The following LRRC37A3 variants were observed in gnomAD, a reference collection of about 807,000 sequenced individuals.
LRRC37A3 encodes leucine-rich repeat-containing protein 37A3.
A neutral mutation model predicts 106.2 loss-of-function variants in LRRC37A3; 25 were observed. The ratio of observed to expected loss-of-function variants is 0.24; its 90% confidence interval spans 0.17 to 0.33. The LOEUF (loss-of-function observed/expected upper bound fraction) is 0.33, where lower values mean the gene tolerates loss of function less well. LRRC37A3 is among the 10% of genes least tolerant of loss of function. The probability of loss-of-function intolerance (pLI) is 1.00; values close to 1 mark genes in which losing one functional copy is unlikely to be tolerated. For synonymous variants in LRRC37A3, 305 were observed against 635.8 expected (o/e 0.48, Z 7.83); for missense variants, 712 against 1,644.9 (o/e 0.43, Z 9.81).
chr17:64,869,621 C>T (rs57434927), intron 8 of LRRC37A3, among the ~76,000 whole-genome samples: 1 of 148,850 alleles, frequency 6.7e-6, no homozygotes, highest in South Asian at 2.1e-4. Context: ...CTGCAACCTC[C>T]GCCTTCCAGG....
intron 8 of LRRC37A3, among the ~76,000 whole-genome samples, chr17:64,873,932 T>A (rs1973410121): frequency 6.6e-6 from 1 of 152,070 alleles, no homozygotes; most frequent in Non-Finnish European, 1.5e-5. Flanking sequence ...AATCTGCATA[T>A]TCAAGAAGCT....
At chr17:64,866,629 T>TATATATATATATATATATATA (rs71236448) in intron 10 of LRRC37A3, among the ~76,000 whole-genome samples, 2 of 12,860 alleles carry the variant, frequency 1.6e-4, no homozygotes, top group African/African-American at 3.2e-4. Flanking sequence ...TATATATATA[T>TATATATATATATATATATATA]TTTTTTTTTT....
intron 1 of LRRC37A3, among the ~76,000 whole-genome samples, 180 bp from the exon 2 acceptor site, chr17:64,919,050 G>A (rs1974769645): frequency 6.6e-6 from 1 of 151,984 alleles, no homozygotes; most frequent in Non-Finnish European, 1.5e-5. Flanking sequence ...TCCGGCTACT[G>A]CTGCCCCCCC....
At chr17:64,861,544 C>T (rs368032743) in intron 11 of LRRC37A3, among the ~76,000 whole-genome samples, 12 of 152,336 alleles carry the variant, frequency 7.9e-5, no homozygotes, top group South Asian at 2.1e-4. Flanking sequence ...TCTGCTCCCA[C>T]GTGTGGTAGC....
In LRRC37A3 at chr17:64,868,469, C is replaced by G. The variant is rs1367048283; in HGVS notation, c.3046G>C (p.Glu1016Gln). 1.2e-6 allele frequency: 2 copies of G among 1,610,260 alleles called. No individual in the cohort carries two copies. The highest frequency in any genetic ancestry group is 1.7e-6 in the Non-Finnish European group (2 of 1,178,950). ...KNILMMTVEL[E>Q]KLIVPSHMAC... is the part of the protein sequence containing the mutation. ...CGGAAAAAAATAACTTACAGTTTTTCCAGTTCAACAGTCATCATGAGAATG... is the reference window on the plus strand; with the variant it reads ...CGGAAAAAAATAACTTACAGTTTTTGCAGTTCAACAGTCATCATGAGAATG... The change falls in exon 10 of 15, where the codon GAA becomes CAA. Residue 1016 changes from glutamate to glutamine, a missense_variant. Glu to Gln is a conservative substitution (Grantham distance 29). Coordinates refer to ENST00000584306, the MANE Select transcript of LRRC37A3 (RefSeq NM_199340.5).
intron 10 of LRRC37A3, among the ~76,000 whole-genome samples, chr17:64,866,171 A>G (rs573275667): frequency 2.6e-5 from 4 of 151,852 alleles, no homozygotes; most frequent in African/African-American, 7.3e-5. Context: ...AATAATGGTC[A>G]AGAAAAAAGC....
At chr17:64,866,622 ATATATATTT>A (rs1190635478) in intron 10 of LRRC37A3, among the ~76,000 whole-genome samples, 6 of 24,508 alleles carry the variant, frequency 2.4e-4, no homozygotes, top group African/African-American at 6.6e-4. Context: ...ATATATATAT[ATATATATTT>A]TTTTTTTTTT....
chr17:64,896,701 C>A lies in LRRC37A3; in HGVS notation c.557G>T (p.Ser186Ile). 1 of 1,600,600 alleles carries A rather than the reference C, an allele frequency of 6.2e-7. No homozygotes were observed. Among genetic ancestry groups the A allele is most frequent in the Admixed American group, 1.7e-5 (1 of 59,922 alleles). Residue 186 changes from serine to isoleucine, a missense_variant, in exon 4 of 15, where the codon AGT becomes ATT. Ser to Ile is a moderately radical substitution (Grantham distance 142). Coordinates refer to ENST00000584306, the MANE Select transcript of LRRC37A3 (RefSeq NM_199340.5). Reference sequence around the variant, plus strand: ...GCTACCGGGATACGGTGTATCTGTACTGGAATATTCATTCTGCAAAGTCTG... The same window carrying A: ...GCTACCGGGATACGGTGTATCTGTAATGGAATATTCATTCTGCAAAGTCTG... ...QKQTLQNEYS[S>I]TDTPYPGSLP...
intron 2 of LRRC37A3, among the ~76,000 whole-genome samples, chr17:64,908,945 T>C (rs1048389612): frequency 2.6e-5 from 4 of 151,334 alleles, no homozygotes; most frequent in African/African-American, 9.8e-5. Context: ...CTAATTTTTT[T>C]TGTATTTTTA....
At chr17:64,867,175 T>G (rs1973145167) in intron 10 of LRRC37A3, among the ~76,000 whole-genome samples, 1 of 150,768 alleles carries the variant, frequency 6.6e-6, no homozygotes, top group Non-Finnish European at 1.5e-5. Flanking sequence ...TAAAAACTTC[T>G]GCTCTTCAGA....
chr17:64,917,381 T>A (rs1326360461), intron 2 of LRRC37A3, among the ~76,000 whole-genome samples: 1 of 151,698 alleles, frequency 6.6e-6, no homozygotes, highest in South Asian at 2.1e-4. Context: ...TTTGGCAGTT[T>A]CTTATAAACA....
chr17:64,914,318 G>A (rs1425204593), intron 2 of LRRC37A3, among the ~76,000 whole-genome samples: 2 of 152,190 alleles, frequency 1.3e-5, no homozygotes, highest in African/African-American at 4.8e-5. Flanking sequence ...CATCACTTTG[G>A]GAGGCCAAGG....
chr17:64,860,277 G>A lies in LRRC37A3; in HGVS notation c.3869C>T (p.Thr1290Ile), dbSNP rs1230199424. ...SILESAKARV[T>I]NMKTSKPIVH... is the part of the protein sequence containing the mutation. ...GATGGGTTTAGATGTCTTCATATTT[G>A]TAACTCTAGCCTTTGCACTTTCTAA... The change falls in exon 12 of 15, where the codon ACA (threonine) becomes ATA (isoleucine). Residue 1290 changes from threonine to isoleucine, a missense_variant. Coordinates refer to ENST00000584306, the MANE Select transcript of LRRC37A3 (RefSeq NM_199340.5). The A allele has an allele frequency of 4.3e-6, 7 of 1,613,844 alleles. No individual in the cohort carries two copies. The East Asian group carries it at 1.3e-4, about 31-fold the overall frequency.
At chr17:64,866,928 G>A (rs1285580004) in intron 10 of LRRC37A3, among the ~76,000 whole-genome samples, 1 of 148,754 alleles carries the variant, frequency 6.7e-6, no homozygotes, top group East Asian at 2.0e-4. Context: ...ACCAGCCTGG[G>A]GAACATACTG....
chr17:64,894,534 G>GA, intron 4 of LRRC37A3, 115 bp downstream of exon 4: 4 of 273,152 alleles, frequency 1.5e-5, no homozygotes, highest in Non-Finnish European at 2.4e-5. Flanking sequence ...GGTGAAAGCA[G>GA]AAAGTCAGTT....
Position 64,858,778 on chromosome 17 carries a change from C to T in LRRC37A3, c.4809+1G>A. On this transcript the variant is annotated splice_donor_variant, in intron 13 of 14. Coordinates refer to ENST00000584306, the MANE Select transcript of LRRC37A3 (RefSeq NM_199340.5). LOFTEE classifies it high-confidence loss of function. ...AAACCTGAATTAATTATTGTCCTTACCTCAATGAGGCAGAGAAGTATAATC... is the reference window on the plus strand; with the variant it reads ...AAACCTGAATTAATTATTGTCCTTATCTCAATGAGGCAGAGAAGTATAATC... 1 of 1,602,106 alleles carries T rather than the reference C, an allele frequency of 6.2e-7. No individual in the cohort carries two copies. The highest frequency in any genetic ancestry group is 8.6e-7 in the Non-Finnish European group (1 of 1,169,452).
At chr17:64,883,601 A>G (rs1187221152) in intron 8 of LRRC37A3, among the ~76,000 whole-genome samples, 1 of 149,000 alleles carries the variant, frequency 6.7e-6, no homozygotes, top group Non-Finnish European at 1.5e-5. Flanking sequence ...TGTTTTTTAT[A>G]AACTTGTGTA....
chr17:64,866,801 T>TTA (rs61583094), intron 10 of LRRC37A3, among the ~76,000 whole-genome samples: 5,869 of 124,584 alleles, frequency 0.047, 166 homozygotes, highest in African/African-American at 0.079. Flanking sequence ...TGGCTGATTT[T>TTA]TATATATATA....
chr17:64,855,677 C>T (rs1474008456), intron 14 of LRRC37A3, among the ~76,000 whole-genome samples, 163 bp downstream of exon 14: 3 of 151,794 alleles, frequency 2.0e-5, no homozygotes, highest in African/African-American at 7.3e-5. Flanking sequence ...TGGTGCATGC[C>T]TGTAATCCCA....
Sources: gnomAD v4.1 joint callset for allele counts (sites outside exome capture counted in the v4.1 genomes callset) on GRCh38, gnomAD v4.1.1 for gene constraint, MANE v1.5 for transcripts, NCBI Gene and HGNC (gene_info 2026-07-23, HGNC 2026-07-21) for gene names.